The following RBM14 variants were observed in gnomAD, a reference collection of about 807,000 sequenced individuals.
The protein encoded by RBM14 is RNA-binding protein 14.
Under a neutral mutation model 52.8 loss-of-function variants are expected in RBM14, and 5 were observed. That is an observed-to-expected ratio of 0.09 (90% CI 0.05 to 0.20). The LOEUF (loss-of-function observed/expected upper bound fraction) is 0.20, where lower values mean the gene tolerates loss of function less well. Ranked by LOEUF, RBM14 falls within the 10% of genes least tolerant of loss-of-function variation. RBM14 has a pLI of 1.00. For missense variants in RBM14, 780 were observed against 926.6 expected (o/e 0.84, Z 2.05); for synonymous variants, 411 against 401.8 (o/e 1.02, Z -0.28).
At position 66,628,578 on chromosome 11, in the gene RBM14, A is replaced by G. The variant is rs1037868611; in HGVS notation, c.*1910A>G. On this transcript the variant is annotated 3_prime_UTR_variant, in exon 3 of 3. Transcript: ENST00000310137. ...CTTTCCCTTGCTTCTCTTTCTGCTC[A>G]CTGCTTTGCTTTCAGGTGCTTAGCT... Among the ~76,000 whole-genome samples, 1 of 152,098 alleles carries G rather than the reference A, an allele frequency of 6.6e-6. No individual in the cohort carries two copies. The highest frequency in any genetic ancestry group is 1.5e-5 in the Non-Finnish European group (1 of 68,020).
rs955012613 is a variant in RBM14, at chr11:66,627,878, A to C, written c.*1210A>C. On this transcript the variant is annotated 3_prime_UTR_variant, in exon 3 of 3. Coordinates refer to ENST00000310137, the MANE Select transcript of RBM14 (RefSeq NM_006328.4). ...ATGGTTGGAATAAGGAAGGGCAGAG[A>C]AAACTTGAAGCAGGTATGGGGCATT... Among the ~76,000 whole-genome samples, 15 of 152,154 alleles carry C rather than the reference A, an allele frequency of 9.9e-5. No homozygotes were observed. The highest frequency in any genetic ancestry group is 3.6e-4 in the African/African-American group (15 of 41,424).
Position 66,625,569 on chromosome 11 carries a change from G to C in RBM14, c.1693G>C (p.Ala565Pro). ...AGCCTACCTGTCCATGTCCCAGGGG[G>C]CCGTTGCCAACGCCAACAGCACCCC... ...SAAYLSMSQGAVANANSTPPP... is the reference protein window; with the variant it reads ...SAAYLSMSQGPVANANSTPPP... Residue 565 changes from alanine (A) to proline (P), a missense_variant, in exon 2 of 3, where the codon GCC becomes CCC. Transcript: ENST00000310137. This position sits in a 1 kb window ranked among gnomAD's most constrained non-coding sequence, Gnocchi z 4.2. 6.2e-7 allele frequency: 1 copy of C among 1,611,968 alleles called. No homozygotes were observed. Among genetic ancestry groups the C allele is most frequent in the Non-Finnish European group, 8.5e-7 (1 of 1,179,768 alleles).
Position 66,624,914 on chromosome 11 carries a change from C to T in RBM14, c.1038C>T (p.Ser346=), listed in dbSNP as rs768483934. ...SSLASYGNQP[S]SYGAQAASSY... ...TTGCCTCCTATGGTAACCAGCCATCCTCTTACGGCGCCCAGGCTGCCTCTT... is the reference window on the plus strand; with the variant it reads ...TTGCCTCCTATGGTAACCAGCCATCTTCTTACGGCGCCCAGGCTGCCTCTT... The change falls in exon 2 of 3, where the codon TCC becomes TCT. Residue 346 remains serine, a synonymous_variant. Coordinates refer to ENST00000310137, the MANE Select transcript of RBM14 (RefSeq NM_006328.4). The surrounding 1 kb of genome is among the most constrained non-coding windows in gnomAD (Gnocchi z 4.7). The T allele has an allele frequency of 6.2e-7, 1 of 1,613,836 alleles. No individual in the cohort carries two copies. Among genetic ancestry groups the T allele is most frequent in the South Asian group, 1.1e-5 (1 of 91,076 alleles).
intron 1 of RBM14, among the ~76,000 whole-genome samples, chr11:66,622,976 G>A (rs191082622): frequency 3.3e-5 from 5 of 152,288 alleles, no homozygotes; most frequent in Non-Finnish European, 7.4e-5. Flanking sequence ...CTTTGTGAGT[G>A]TGGACATGAG....
chr11:66,623,403 C>T (rs1407417087), intron 1 of RBM14, among the ~76,000 whole-genome samples: 1 of 152,194 alleles, frequency 6.6e-6, no homozygotes, highest in Non-Finnish European at 1.5e-5. Context: ...ATTACACAGT[C>T]CTGCCTTATA....
At position 66,629,400 on chromosome 11, in the gene RBM14, T is replaced by C. The variant is rs937356658; in HGVS notation, c.*2732T>C. Among the ~76,000 whole-genome samples, 11 of 152,192 alleles carry C rather than the reference T, an allele frequency of 7.2e-5. No homozygotes were observed. Among genetic ancestry groups the C allele is most frequent in the African/African-American group, 2.7e-4 (11 of 41,430 alleles). ...CTGAGGTTTGGACCTTGTTTTAAAT[T>C]GTGTGCATGGTGGGCTTGAGACTCT... On this transcript the variant is annotated 3_prime_UTR_variant, in exon 3 of 3. Coordinates refer to ENST00000310137, the MANE Select transcript of RBM14 (RefSeq NM_006328.4).
intron 1 of RBM14, chr11:66,618,607 A>G: frequency 1.4e-6 from 1 of 715,814 alleles, no homozygotes; most frequent in Non-Finnish European, 2.6e-6. Flanking sequence ...GTGGTGGGGG[A>G]GGGTCTCAGA....
chr11:66,622,959 G>T (rs992989329), intron 1 of RBM14, among the ~76,000 whole-genome samples: 1 of 152,186 alleles, frequency 6.6e-6, no homozygotes, highest in Non-Finnish European at 1.5e-5. Flanking sequence ...TTCAGATTCT[G>T]CCTGTGCTTT....
At chr11:66,623,020 T>C (rs924994314) in intron 1 of RBM14, among the ~76,000 whole-genome samples, 3 of 152,220 alleles carry the variant, frequency 2.0e-5, no homozygotes, top group African/African-American at 7.2e-5. Flanking sequence ...CCTGAAGTTT[T>C]CTCCTTCTGT....
chr11:66,626,502 G>T lies in RBM14; in HGVS notation c.1844G>T (p.Arg615Leu). ...CGTTTAGCCGAGCTCTCTGATTACC[G>T]CCGTTTATCAGAGTCGCAGCTTTCG... Reference protein sequence around the residue: ...DRRLAELSDYRRLSESQLSFR... With the variant: ...DRRLAELSDYLRLSESQLSFR... The change falls in exon 3 of 3, where the codon CGC (arginine) becomes CTC (leucine). Residue 615 changes from arginine (R) to leucine (L), a missense_variant. Physicochemically the swap from Arg to Leu is moderately radical, Grantham distance 102. This residue lies in a region of RBM14 where 675 missense variants were observed against 697.3 expected (regional missense o/e 0.97). Coordinates refer to ENST00000310137, the MANE Select transcript of RBM14 (RefSeq NM_006328.4). 1 of 1,613,782 alleles carries T rather than the reference G, an allele frequency of 6.2e-7. No homozygotes were observed. Among genetic ancestry groups the T allele is most frequent in the African/African-American group, 1.3e-5 (1 of 75,032 alleles).
rs780341248 is a variant in RBM14, at chr11:66,625,580, C to G, written c.1704C>G (p.Asn568Lys). 12 of 1,611,804 alleles carry G rather than the reference C, an allele frequency of 7.4e-6. No homozygotes were observed. Among genetic ancestry groups the G allele is most frequent in the Non-Finnish European group, 8.5e-6 (10 of 1,179,752 alleles). The stretch of plus-strand genomic sequence containing the variant: ...CCATGTCCCAGGGGGCCGTTGCCAA[C>G]GCCAACAGCACCCCGCCGCCCTATG... The part of the protein sequence containing the change: ...YLSMSQGAVA[N>K]ANSTPPPYER... The change falls in exon 2 of 3, where the codon AAC becomes AAG. Residue 568 changes from asparagine to lysine, a missense_variant. Physicochemically the swap from Asn to Lys is moderately conservative, Grantham distance 94. Around this residue, in one of 4 missense-constraint regions of RBM14, gnomAD observed 675 missense variants for 697.3 expected, o/e 0.97. Coordinates refer to ENST00000310137, the MANE Select transcript of RBM14 (RefSeq NM_006328.4). This position sits in a 1 kb window ranked among gnomAD's most constrained non-coding sequence, Gnocchi z 4.2.
rs1470634824 is a variant in RBM14 at position 66,626,663 on chromosome 11, A to G, written c.2005A>G (p.Met669Val). 1 of 1,603,888 alleles carries G rather than the reference A, an allele frequency of 6.2e-7. No homozygotes were observed. The highest frequency in any genetic ancestry group is 8.5e-7 in the Non-Finnish European group (1 of 1,175,768). Reference protein sequence around the residue: ...AQMHSGYQRRM With the variant: ...AQMHSGYQRRV ...GATGCACTCTGGCTACCAGCGCCGCATGTAGGGCCATCCTGGGATGGGGCA... is the reference window on the plus strand; with the variant it reads ...GATGCACTCTGGCTACCAGCGCCGCGTGTAGGGCCATCCTGGGATGGGGCA... Residue 669 changes from methionine (M) to valine (V), a missense_variant, in exon 3 of 3, where the codon ATG becomes GTG. Around this residue, in one of 4 missense-constraint regions of RBM14, gnomAD observed 675 missense variants for 697.3 expected, o/e 0.97. Coordinates refer to ENST00000310137, the MANE Select transcript of RBM14 (RefSeq NM_006328.4).
In RBM14 at chr11:66,625,352, T is replaced by C; in HGVS notation, c.1476T>C (p.Ala492=). The C allele has an allele frequency of 6.2e-7, 1 of 1,606,550 alleles. No homozygotes were observed. Among genetic ancestry groups the C allele is most frequent in the Non-Finnish European group, 8.5e-7 (1 of 1,177,732 alleles). ...LSGSYGAQSA[A]AATGSYGAAA... ...GCTCCTATGGGGCTCAGTCGGCTGCTGCGGCCACTGGCTCCTATGGTGCCG... is the reference window on the plus strand; with the variant it reads ...GCTCCTATGGGGCTCAGTCGGCTGCCGCGGCCACTGGCTCCTATGGTGCCG... Residue 492 remains alanine (A), a synonymous_variant, in exon 2 of 3, where the codon GCT becomes GCC. Transcript: ENST00000310137. This position sits in a 1 kb window ranked among gnomAD's most constrained non-coding sequence, Gnocchi z 4.2.
At chr11:66,618,107 A>G (rs555083309) in intron 1 of RBM14, among the ~76,000 whole-genome samples, 119 of 152,200 alleles carry the variant, frequency 7.8e-4, no homozygotes, top group Non-Finnish European at 1.5e-3. Context: ...TTGAGTTTTT[A>G]TCCCTTAAGC....
At chr11:66,617,860 G>A (rs920643951) in intron 1 of RBM14, among the ~76,000 whole-genome samples, 6 of 152,174 alleles carry the variant, frequency 3.9e-5, no homozygotes, top group Non-Finnish European at 8.8e-5. Context: ...CTAGGGCAGT[G>A]TCATTCTTTT....
At chr11:66,617,180 G>T in intron 1 of RBM14, 123 bp downstream of exon 1, 2 of 1,454,674 alleles carry the variant, frequency 1.4e-6, no homozygotes, top group South Asian at 2.8e-5. Context: ...GCGGGAGCAG[G>T]TCGGAGGTGT....
Position 66,625,001 on chromosome 11 carries a change from C to A in RBM14, c.1125C>A (p.Gly375=), listed in dbSNP as rs757435401. The change falls in exon 2 of 3, where the codon GGC becomes GGA. Residue 375 remains glycine, a synonymous_variant. Coordinates refer to ENST00000310137, the MANE Select transcript of RBM14 (RefSeq NM_006328.4). The surrounding 1 kb of genome is among the most constrained non-coding windows in gnomAD (Gnocchi z 4.2). Reference sequence around the variant, plus strand: ...CCCAGGGAGCAGCTTCCTCCTTAGGCTCCTACGGGGCTCAGGCAGCCTCCT... The same window carrying A: ...CCCAGGGAGCAGCTTCCTCCTTAGGATCCTACGGGGCTCAGGCAGCCTCCT... ...YNTQGAASSL[G]SYGAQAASYG... is the part of the protein sequence containing the mutation. 3 of 1,613,742 alleles carry A rather than the reference C, an allele frequency of 1.9e-6. 1 individual carries two copies.
rs1301988838 is a variant in RBM14, at chr11:66,627,548, C to A, written c.*880C>A. Among the ~76,000 whole-genome samples the A allele has an allele frequency of 6.6e-6, 1 of 152,200 alleles. No homozygotes were observed. The highest frequency in any genetic ancestry group is 1.5e-5 in the Non-Finnish European group (1 of 68,034). ...GCTAGCCTGCCATCTTTCAGACTTTCCAGGGCAGGTGGCCTGGTCCTCAGC... is the reference window on the plus strand; with the variant it reads ...GCTAGCCTGCCATCTTTCAGACTTTACAGGGCAGGTGGCCTGGTCCTCAGC... On this transcript the variant is annotated 3_prime_UTR_variant, in exon 3 of 3. Transcript: ENST00000310137.
chr11:66,619,110 GT>G (rs1275902604), intron 1 of RBM14: 2 of 152,498 alleles, frequency 1.3e-5, no homozygotes, highest in African/African-American at 4.8e-5. Flanking sequence ...CTTTTTATCT[GT>G]TTGTGATGAC....
Sources: allele counts gnomAD v4.1 joint callset (sites outside exome capture counted in the v4.1 genomes callset), GRCh38; gene constraint gnomAD v4.1.1; regional missense constraint gnomAD v4.1.1; non-coding constraint Gnocchi (gnomAD v3.1); transcripts MANE v1.5; gene names NCBI Gene and HGNC (gene_info 2026-07-23, HGNC 2026-07-21).